Variants in STARD13 observed in about 807,000 individuals in gnomAD.
The protein encoded by STARD13 is stAR-related lipid transfer protein 13.
In STARD13, 62 loss-of-function variants were observed where a neutral mutation model predicts 106.4. The observed-to-expected ratio is 0.58, with a 90% CI of 0.48 to 0.72. STARD13 has a LOEUF of 0.72. STARD13 is among the 30% of genes least tolerant of loss of function. The pLI is 0.00. For synonymous variants in STARD13, 565 were observed against 553.0 expected (o/e 1.02, Z -0.31); for missense variants, 1,387 against 1,424.0 (o/e 0.97, Z 0.42).
chr13:33,676,030 C>T, the STARD13 span, among the ~76,000 whole-genome samples: 1 of 152,098 alleles, frequency 6.6e-6, no homozygotes, highest in Non-Finnish European at 1.5e-5. Flanking sequence ...CTTGTTCTAC[C>T]TCCTTTTATG....
the STARD13 span, among the ~76,000 whole-genome samples, chr13:33,505,034 A>G: frequency 1.3e-5 from 2 of 152,188 alleles, no homozygotes; most frequent in African/African-American, 4.8e-5. Flanking sequence ...TGAGAACTGA[A>G]TAAAGGAGCC....
chr13:33,451,839 G>A, the STARD13 span, among the ~76,000 whole-genome samples: 5 of 152,154 alleles, frequency 3.3e-5, no homozygotes, highest in Non-Finnish European at 5.9e-5. Flanking sequence ...AAAAAGGGAA[G>A]ACTTTAATCA....
intron 1 of STARD13, among the ~76,000 whole-genome samples, chr13:33,249,422 G>T (rs1889985902): frequency 6.6e-6 from 1 of 152,188 alleles, no homozygotes; most frequent in Non-Finnish European, 1.5e-5. Flanking sequence ...TCTTAAGTAT[G>T]AATCTAAAAA....
At chr13:33,353,387 T>C (rs991704002), upstream of STARD13, among the ~76,000 whole-genome samples, 5 of 152,220 alleles carry the variant, frequency 3.3e-5, no homozygotes, top group Admixed American at 6.5e-5. Flanking sequence ...GCATGGACCA[T>C]TGGACACTGT....
the STARD13 span, among the ~76,000 whole-genome samples, chr13:33,612,976 T>C: frequency 1.3e-5 from 2 of 152,242 alleles, no homozygotes; most frequent in Non-Finnish European, 2.9e-5. Flanking sequence ...AAGAACTCTT[T>C]TGAGCAACTT....
In STARD13 at chr13:33,206,044, C is replaced by T. The variant is rs576896661; in HGVS notation, c.170-38422G>A. 145 of 985,254 alleles carry T rather than the reference C, an allele frequency of 1.5e-4. 2 individuals are homozygous for T. In the South Asian group the frequency reaches 5.6e-3, roughly 38 times the overall value. The allele number at this position is 985,254 out of a possible 1,614,324, so 61.0% of individuals were successfully genotyped here. A position where few individuals can be genotyped will look rare whatever the true frequency, so the allele number is the denominator to read the frequency against. ...CATTCTAGCCTGATCAATGGTGTGC[C>T]TGGTTTGAGGTTGGTTTTGGCCCCG... On this transcript the variant is annotated intron_variant, in intron 1 of 13. Coordinates refer to ENST00000336934, the MANE Select transcript of STARD13 (RefSeq NM_178006.4).
At chr13:33,385,626 G>A in the STARD13 span, among the ~76,000 whole-genome samples, 3 of 151,758 alleles carry the variant, frequency 2.0e-5, no homozygotes, top group East Asian at 1.9e-4. Flanking sequence ...TTGGGAGACC[G>A]AGGAGGGCGG....
At chr13:33,197,948 A>G (rs1205501609) in intron 1 of STARD13, among the ~76,000 whole-genome samples, 6 of 152,200 alleles carry the variant, frequency 3.9e-5, no homozygotes, top group Non-Finnish European at 8.8e-5. Flanking sequence ...AGATGGGCGG[A>G]TCATGAGGTC....
At chr13:33,483,846 G>A in the STARD13 span, among the ~76,000 whole-genome samples, 1 of 152,114 alleles carries the variant, frequency 6.6e-6, no homozygotes, top group Non-Finnish European at 1.5e-5. Flanking sequence ...GCAAGCAATG[G>A]GACCTAGACC....
chr13:33,545,907 T>C, the STARD13 span, among the ~76,000 whole-genome samples: 1 of 152,236 alleles, frequency 6.6e-6, no homozygotes, highest in Non-Finnish European at 1.5e-5. Flanking sequence ...AGTAAACCTC[T>C]TTTCTTCATA....
intron 1 of STARD13, among the ~76,000 whole-genome samples, chr13:33,226,474 G>A (rs560394512): frequency 4.8e-4 from 64 of 132,550 alleles, no homozygotes; most frequent in African/African-American, 1.8e-3. Flanking sequence ...TTGTTTTGTC[G>A]CCCAGGCTGG....
intron 1 of STARD13, among the ~76,000 whole-genome samples, chr13:33,219,239 T>C (rs1888208483): frequency 6.6e-6 from 1 of 152,056 alleles, no homozygotes. Flanking sequence ...GACACCAATC[T>C]TTCTTTGATG....
chr13:33,126,336 G>GGTATTCCAACAA, intron 6 of STARD13, 96 bp from the exon 7 acceptor site: 7 of 1,211,158 alleles, frequency 5.8e-6, no homozygotes, highest in Non-Finnish European at 8.3e-6. Context: ...GCTTTTGTTG[G>GGTATTCCAACAA]AATACCCAAC....
chr13:33,456,226 G>C, the STARD13 span, among the ~76,000 whole-genome samples: 1 of 152,108 alleles, frequency 6.6e-6, no homozygotes, highest in Non-Finnish European at 1.5e-5. Flanking sequence ...GTCTCACTCT[G>C]TTGTCCAGGC....
intron 1 of STARD13, among the ~76,000 whole-genome samples, chr13:33,283,144 T>C (rs887557945): frequency 6.6e-6 from 1 of 152,190 alleles, no homozygotes; most frequent in African/African-American, 2.4e-5. Context: ...TAGAGAAATA[T>C]AACCTGACAG....
chr13:33,180,251 G>T (rs1391646748), intron 1 of STARD13: 1 of 152,222 alleles, frequency 6.6e-6, no homozygotes, highest in Non-Finnish European at 1.5e-5. Context: ...GGCAGTAAGA[G>T]CCTTCTCCTA....
chr13:33,531,457 T>A, the STARD13 span, among the ~76,000 whole-genome samples: 1 of 152,202 alleles, frequency 6.6e-6, no homozygotes, highest in African/African-American at 2.4e-5. Context: ...GCCTTGTCAA[T>A]TTGGTTTCTG....
At position 33,285,625 on chromosome 13, in the gene STARD13, A is replaced by G. The variant is rs758744935; in HGVS notation, c.14T>C (p.Val5Ala). The change falls in exon 1 of 14, where the codon GTG (valine) becomes GCG (alanine). Residue 5 changes from valine (V) to alanine (A), a missense_variant. Val to Ala is a moderately conservative substitution (Grantham distance 64). Coordinates refer to ENST00000336934, the MANE Select transcript of STARD13 (RefSeq NM_178006.4). MFSQ[V>A]PRTPASGCYY... The stretch of plus-strand genomic sequence containing the variant: ...GCAGCCTGAGGCTGGGGTCCTGGGC[A>G]CCTGACTGAACATCTCGGCAGATTT... 6.2e-7 allele frequency: 1 copy of G among 1,612,980 alleles called. No homozygotes were observed. The highest frequency in any genetic ancestry group is 1.1e-5 in the South Asian group (1 of 91,008).
chr13:33,308,989 C>T (rs779541976), intron 1 of STARD13, among the ~76,000 whole-genome samples: 2 of 152,208 alleles, frequency 1.3e-5, no homozygotes, highest in Non-Finnish European at 2.9e-5. Flanking sequence ...ACCTGATGGG[C>T]ACTTTGCCTC....
Sources: gnomAD v4.1 joint callset for allele counts (sites outside exome capture counted in the v4.1 genomes callset) on GRCh38, gnomAD v4.1.1 for gene constraint, MANE v1.5 for transcripts, NCBI Gene and HGNC (gene_info 2026-07-23, HGNC 2026-07-21) for gene names.